The following RUBCN variants were observed in gnomAD, a reference collection of about 807,000 sequenced individuals.
RUBCN encodes the protein rubicon autophagy regulator, also known as run domain Beclin-1-interacting and cysteine-rich domain-containing protein.
In RUBCN, 74 loss-of-function variants were observed where a neutral mutation model predicts 113.2. The observed-to-expected ratio is 0.65, with a 90% CI of 0.54 to 0.79. The LOEUF (loss-of-function observed/expected upper bound fraction) is 0.79. Among genes scored for constraint, RUBCN ranks in the 30% least tolerant of loss-of-function variants. RUBCN has a pLI of 0.00. For missense variants in RUBCN, 1,109 were observed against 1,251.7 expected, an observed-to-expected ratio of 0.89 and a Z score of 1.72; for synonymous variants, 480 against 490.0, an observed-to-expected ratio of 0.98 and a Z score of 0.27.
intron 5 of RUBCN, 36 bp downstream of exon 5, chr3:197,703,512 C>T (rs779892096): frequency 7.1e-7 from 1 of 1,416,268 alleles, no homozygotes; most frequent in East Asian, 2.3e-5. Flanking sequence ...CTCCAGGGAC[C>T]CAGCATAGAC....
Position 197,683,366 on chromosome 3 carries a change from G to A in RUBCN, c.1921C>T (p.Gln641Ter), listed in dbSNP as rs2108854874. 2 of 1,614,218 alleles carry A rather than the reference G, an allele frequency of 1.2e-6. No individual in the cohort carries two copies. The highest frequency in any genetic ancestry group is 1.7e-6 in the Non-Finnish European group (2 of 1,180,042). ...MGLLKQFEGMQLPAASELEWL... is the reference protein window; with the variant it reads ...MGLLKQFEGM ...TCCAGCTCCGAGGCGGCTGGAAGCT[G>A]CATCCCCTCAAACTGCTTCAGGAGC... is the stretch of plus-strand genomic sequence containing the variant. The change falls in exon 13 of 20, where the codon CAG (glutamine) becomes TAG (stop). Residue 641 changes from glutamine (Q) to a stop codon, truncating the protein, a stop_gained. Transcript: ENST00000296343. LOFTEE classifies it high-confidence loss of function. The surrounding 1 kb of genome is among the most constrained non-coding windows in gnomAD (Gnocchi z 4.6).
At chr3:197,704,478 G>A (rs1724056378) in intron 4 of RUBCN, 64 bp downstream of exon 4, 1 of 1,462,770 alleles carries the variant, frequency 6.8e-7, no homozygotes, top group Non-Finnish European at 9.6e-7. Flanking sequence ...CAGAGGGGTA[G>A]AGGATAGTGA....
Position 197,697,027 on chromosome 3 carries a change from C to T in RUBCN, c.1284G>A (p.Lys428=). 6.2e-7 allele frequency: 1 copy of T among 1,601,820 alleles called. No homozygotes were observed. Reference sequence around the variant, plus strand: ...CAGAGTAGGGCAAAGGGCCTCTCAACTTCGCCTTATCATTGCAGGATTCTA... The same window carrying T: ...CAGAGTAGGGCAAAGGGCCTCTCAATTTCGCCTTATCATTGCAGGATTCTA... The part of the protein sequence containing the change: ...GAPESCNDKA[K]LRGPLPYSGQ... The change falls in exon 8 of 20, where the codon AAG becomes AAA. Residue 428 remains lysine, a synonymous_variant. Transcript: ENST00000296343.
At chr3:197,749,528 C>T (rs1255554339) in exon 1 of RUBCN, 3 of 1,290,544 alleles carry the variant, frequency 2.3e-6, no homozygotes, top group South Asian at 2.5e-5. Context: ...TGTCCTGCCT[C>T]CCGAGGCTGC....
At chr3:197,731,994 C>T (rs566330718) in intron 1 of RUBCN, among the ~76,000 whole-genome samples, 1 of 152,326 alleles carries the variant, frequency 6.6e-6, no homozygotes, top group South Asian at 2.1e-4. Flanking sequence ...TAGAGAAGAG[C>T]GAAATGTCAA....
At chr3:197,686,324 T>A (rs539659550) in intron 11 of RUBCN, among the ~76,000 whole-genome samples, 1 of 152,222 alleles carries the variant, frequency 6.6e-6, no homozygotes, top group African/African-American at 2.4e-5. Flanking sequence ...AACGTGTTTC[T>A]TCCTTTTACT....
At chr3:197,689,974 C>T (rs1722249445) in intron 11 of RUBCN, among the ~76,000 whole-genome samples, 1 of 152,168 alleles carries the variant, frequency 6.6e-6, no homozygotes, top group African/African-American at 2.4e-5. Context: ...TCCTCCCCAG[C>T]CTCTGTAACT....
rs546453392 is a variant in RUBCN at position 197,719,330 on chromosome 3, T to C, written c.66-1200A>G. 2.0e-5 allele frequency among the ~76,000 whole-genome samples: 3 copies of C among 151,822 alleles called. No homozygotes were observed. In the East Asian group the frequency reaches 5.8e-4, roughly 29 times the overall value. On this transcript the variant is annotated intron_variant, in intron 1 of 19. Transcript: ENST00000296343. The stretch of plus-strand genomic sequence containing the variant: ...CATCTCTACCAAAAAATACAAAAAT[T>C]AGCCAGGCGTGGTGGCACATGCCTG...
At chr3:197,749,747 G>T, upstream of RUBCN, 4 of 596,336 alleles carry the variant, frequency 6.7e-6, no homozygotes, top group East Asian at 3.5e-5. Flanking sequence ...GCAATGCCTC[G>T]TCCGATCCTG....
chr3:197,741,731 G>A (rs1225451549), upstream of RUBCN, among the ~76,000 whole-genome samples: 2 of 151,748 alleles, frequency 1.3e-5, no homozygotes, highest in Non-Finnish European at 2.9e-5. Context: ...GCTGAGGCAG[G>A]AGAATCCCTT....
intron 11 of RUBCN, among the ~76,000 whole-genome samples, chr3:197,693,110 T>G (rs199968849): frequency 6.6e-6 from 1 of 152,096 alleles, no homozygotes. Context: ...TTTGCAGGAG[T>G]GGGACATTAA....
intron 1 of RUBCN, among the ~76,000 whole-genome samples, chr3:197,735,391 G>GT (rs1728006252): frequency 6.6e-6 from 1 of 152,208 alleles, no homozygotes; most frequent in Non-Finnish European, 1.5e-5. Flanking sequence ...GGGTGAGGCT[G>GT]TGTCTCAAAA....
In RUBCN at chr3:197,693,793, A is replaced by G; in HGVS notation, c.1708T>C (p.Ser570Pro). ...GCCGAATCACGTGAGCTGAACTGGG[A>G]GCTGCTGGAGGTGACCCGAAAGCCT... The part of the protein sequence containing the change: ...HGSFRVTSSS[S>P]QFSSRDSAQL... Residue 570 changes from serine (S) to proline (P), a missense_variant, in exon 11 of 20, where the codon TCC becomes CCC. Around this residue, in one of 3 missense-constraint regions of RUBCN, gnomAD observed 736 missense variants for 779.6 expected, o/e 0.94. Coordinates refer to ENST00000296343, the MANE Select transcript of RUBCN (RefSeq NM_014687.4). 1.2e-6 allele frequency: 2 copies of G among 1,614,078 alleles called. No individual in the cohort carries two copies. Among genetic ancestry groups the G allele is most frequent in the African/African-American group, 1.3e-5 (1 of 75,068 alleles).
intron 2 of RUBCN, among the ~76,000 whole-genome samples, chr3:197,706,866 G>A (rs902835056): frequency 3.9e-5 from 6 of 152,132 alleles, no homozygotes; most frequent in African/African-American, 1.4e-4. Flanking sequence ...GTGAGAACCG[G>A]AAATGTCAGA....
intron 1 of RUBCN, among the ~76,000 whole-genome samples, chr3:197,724,547 C>T (rs1364379461): frequency 6.6e-6 from 1 of 152,188 alleles, no homozygotes; most frequent in East Asian, 1.9e-4. Flanking sequence ...TGGCATGTCC[C>T]TTCCACAGTG....
At position 197,669,428 on chromosome 3, in the gene RUBCN, A is replaced by G. The variant is rs1166275075; in HGVS notation, c.*5590T>C. On this transcript the variant is annotated 3_prime_UTR_variant, in exon 20 of 20. Transcript: ENST00000296343. ...GAGTAGGGTCAAGTGTTTTGTAGAA[A>G]GTTCCTCGAATTTTGCTCCTGTGTT... is the stretch of plus-strand genomic sequence containing the variant. 6.6e-6 allele frequency among the ~76,000 whole-genome samples: 1 copy of G among 152,178 alleles called. No individual in the cohort carries two copies. The highest frequency in any genetic ancestry group is 1.5e-5 in the Non-Finnish European group (1 of 68,022).
At chr3:197,738,583 C>A (rs1373188890), upstream of RUBCN, among the ~76,000 whole-genome samples, 1 of 152,064 alleles carries the variant, frequency 6.6e-6, no homozygotes, top group East Asian at 1.9e-4. Context: ...TCTCTTCCTT[C>A]TGTGACTTTC....
upstream of RUBCN, among the ~76,000 whole-genome samples, chr3:197,737,858 C>A (rs961944620): frequency 1.3e-5 from 2 of 152,000 alleles, no homozygotes; most frequent in African/African-American, 4.8e-5. Flanking sequence ...TTGAAAGAAA[C>A]GTGGGCCTAG....
Position 197,671,046 on chromosome 3 carries a change from C to T in RUBCN, c.*3972G>A, listed in dbSNP as rs1260148102. ...GTTTTGTTTTTTTGAGACAGGGTCT[C>T]GCTCTTCATCCAGGATGGAGTGCAA... On this transcript the variant is annotated 3_prime_UTR_variant, in exon 20 of 20. Coordinates refer to ENST00000296343, the MANE Select transcript of RUBCN (RefSeq NM_014687.4). 1.3e-5 allele frequency among the ~76,000 whole-genome samples: 2 copies of T among 152,108 alleles called. No homozygotes were observed. The highest frequency in any genetic ancestry group is 2.9e-5 in the Non-Finnish European group (2 of 68,024).
Sources: gnomAD v4.1 joint callset for allele counts (sites outside exome capture counted in the v4.1 genomes callset) on GRCh38, gnomAD v4.1.1 for gene constraint, gnomAD v4.1.1 regional missense constraint, Gnocchi (gnomAD v3.1) non-coding constraint, MANE v1.5 for transcripts, NCBI Gene and HGNC (gene_info 2026-07-23, HGNC 2026-07-21) for gene names.